Variants in SLC18A2 observed in about 807,000 individuals in gnomAD.
The protein encoded by SLC18A2 is solute carrier family 18 member A2, also known as synaptic vesicular amine transporter.
In SLC18A2, 33 loss-of-function variants were observed where a neutral mutation model predicts 59.2. The observed-to-expected ratio is 0.56, with a 90% CI of 0.42 to 0.75. SLC18A2 has a LOEUF of 0.75. Among genes scored for constraint, SLC18A2 ranks in the 30% least tolerant of loss-of-function variants. The pLI, the probability that SLC18A2 is intolerant of heterozygous loss-of-function variation, is 0.00. For synonymous variants in SLC18A2, 228 were observed against 253.5 expected, an observed-to-expected ratio of 0.90 and a Z score of 0.95; for missense variants, 569 against 668.6, an observed-to-expected ratio of 0.85 and a Z score of 1.64.
At chr10:117,270,264 A>C in intron 14 of SLC18A2, 66 bp from the exon 15 acceptor site, 1 of 1,612,958 alleles carries the variant, frequency 6.2e-7, no homozygotes, top group Non-Finnish European at 8.5e-7. Context: ...AATTGTTTAA[A>C]TCTTTGCATC....
At chr10:117,266,682 A>T in intron 10 of SLC18A2, 51 bp from the exon 11 acceptor site, 6 of 1,377,644 alleles carry the variant, frequency 4.4e-6, no homozygotes, top group Non-Finnish European at 6.2e-6. Context: ...ACTTTTTCTA[A>T]CATATGACTG....
intron 6 of SLC18A2, 98 bp from the exon 7 acceptor site, chr10:117,255,179 C>G (rs564161402): frequency 8.4e-7 from 1 of 1,188,760 alleles, no homozygotes; most frequent in African/African-American, 1.5e-5. Flanking sequence ...CTTATTGGAA[C>G]AAAGTAGAGA....
chr10:117,264,624 C>T (rs563050897), intron 10 of SLC18A2, among the ~76,000 whole-genome samples: 2 of 152,280 alleles, frequency 1.3e-5, no homozygotes, highest in African/African-American at 4.8e-5. Flanking sequence ...TCTCTTTGCT[C>T]CATTTTTCAT....
intron 10 of SLC18A2, among the ~76,000 whole-genome samples, chr10:117,265,692 C>A (rs566804681): frequency 7.9e-5 from 12 of 152,140 alleles, no homozygotes; most frequent in African/African-American, 2.7e-4. Context: ...CTGTTCAATG[C>A]GGAGGACAGG....
chr10:117,258,481 T>C (rs1430695473), intron 10 of SLC18A2, among the ~76,000 whole-genome samples: 1 of 152,250 alleles, frequency 6.6e-6, no homozygotes, highest in East Asian at 1.9e-4. Context: ...TTTACATCAC[T>C]GTGTGACCTC....
Position 117,244,151 on chromosome 10 carries a change from C to T in SLC18A2, c.302C>T (p.Thr101Ile), listed in dbSNP as rs1844084766. ...ACCAGAGACCTGACACTTCATCAGA[C>T]CGCCACACAGCACATGGTGACCAAC... is the stretch of plus-strand genomic sequence containing the variant. ...NATRDLTLHQ[T>I]ATQHMVTNAS... is the part of the protein sequence containing the mutation. The change falls in exon 3 of 16, where the codon ACC (threonine) becomes ATC (isoleucine). Residue 101 changes from threonine to isoleucine, a missense_variant. Physicochemically the swap from Thr to Ile is moderately conservative, Grantham distance 89. Around this residue, in one of 2 missense-constraint regions of SLC18A2, gnomAD observed 377 missense variants for 389.8 expected, o/e 0.97. Transcript: ENST00000644641. 3.1e-6 allele frequency: 5 copies of T among 1,614,204 alleles called. No homozygotes were observed. The South Asian group carries it at 3.3e-5, about 11-fold the overall frequency.
chr10:117,241,941 C>CA, intron 2 of SLC18A2, 127 bp downstream of exon 2: 2 of 955,222 alleles, frequency 2.1e-6, no homozygotes, highest in Non-Finnish European at 3.0e-6. Context: ...ACTCGCTTTG[C>CA]AAAAAAGACA....
In SLC18A2 at chr10:117,269,424, A is replaced by C. The variant is rs553590514; in HGVS notation, c.1187-647A>C. On this transcript the variant is annotated intron_variant, in intron 13 of 15. Coordinates refer to ENST00000644641, the MANE Select transcript of SLC18A2 (RefSeq NM_003054.6). The surrounding 1 kb of genome is among the most constrained non-coding windows in gnomAD (Gnocchi z 5.1). ...CATACTCATAAATACACACATATAC[A>C]TACAGACATACACCCCAGCAACAAC... is the stretch of plus-strand genomic sequence containing the variant. Among the ~76,000 whole-genome samples the C allele has an allele frequency of 2.0e-4, 31 of 152,214 alleles. No individual in the cohort carries two copies. Among genetic ancestry groups the C allele is most frequent in the Non-Finnish European group, 4.3e-4 (29 of 68,034 alleles).
Position 117,270,567 on chromosome 10 carries a change from T to C in SLC18A2, c.1440+104T>C, listed in dbSNP as rs1444198987. 5 of 1,328,876 alleles carry C rather than the reference T, an allele frequency of 3.8e-6. No homozygotes were observed. In the South Asian group the frequency reaches 4.1e-5, roughly 11 times the overall value. The allele number at this position is 1,328,876 out of a possible 1,614,324, so 82.3% of individuals were successfully genotyped here. ...TTCTAAAGCCTTCAAACATAAATGGTGAGAATTCCTTTTTAGTTTGTACCA... is the reference window on the plus strand; with the variant it reads ...TTCTAAAGCCTTCAAACATAAATGGCGAGAATTCCTTTTTAGTTTGTACCA... On this transcript the variant is annotated intron_variant, in intron 15 of 15. Transcript: ENST00000644641.
chr10:117,257,836 A>C lies in SLC18A2; in HGVS notation c.935A>C (p.Glu312Ala). The change falls in exon 10 of 16, where the codon GAG becomes GCG. Residue 312 changes from glutamate (E) to alanine (A), a missense_variant. By Grantham distance (107) the Glu-to-Ala change is moderately radical. Coordinates refer to ENST00000644641, the MANE Select transcript of SLC18A2 (RefSeq NM_003054.6). ...GCAAACATGGGCATCGCCATGCTGG[A>C]GCCAGCCCTGCCCATCTGGATGATG... ...CFANMGIAMLEPALPIWMMET... is the reference protein window; with the variant it reads ...CFANMGIAMLAPALPIWMMET... 6.2e-7 allele frequency: 1 copy of C among 1,612,392 alleles called. No individual in the cohort carries two copies. Among genetic ancestry groups the C allele is most frequent in the Non-Finnish European group, 8.5e-7 (1 of 1,179,066 alleles).
intron 3 of SLC18A2, among the ~76,000 whole-genome samples, chr10:117,250,548 C>G (rs887473019): frequency 5.3e-5 from 8 of 152,156 alleles, no homozygotes; most frequent in Admixed American, 1.3e-4. Context: ...TAAAAAGAAC[C>G]CTCTGTAGGC....
intron 12 of SLC18A2, chr10:117,267,311 A>G: frequency 2.1e-6 from 1 of 481,480 alleles, no homozygotes; most frequent in Non-Finnish European, 3.6e-6. Context: ...TAAACACTTC[A>G]GGACAACCAA....
At chr10:117,272,475 G>A (rs542138387) in intron 15 of SLC18A2, among the ~76,000 whole-genome samples, 31 of 152,280 alleles carry the variant, frequency 2.0e-4, no homozygotes, top group African/African-American at 6.7e-4. Flanking sequence ...TGCTTGCCCA[G>A]CCAACTACCA....
At chr10:117,263,345 G>A (rs375818049) in intron 10 of SLC18A2, among the ~76,000 whole-genome samples, 1 of 152,304 alleles carries the variant, frequency 6.6e-6, no homozygotes, top group Non-Finnish European at 1.5e-5. Context: ...CTCTGAGCTC[G>A]CTCCAGTCCA....
At chr10:117,250,221 T>G (rs1392490326) in intron 3 of SLC18A2, among the ~76,000 whole-genome samples, 1 of 152,150 alleles carries the variant, frequency 6.6e-6, no homozygotes, top group Admixed American at 6.5e-5. Flanking sequence ...GCCCAGCGCT[T>G]ACCACTGAGC....
chr10:117,243,530 T>C (rs1050225806), intron 2 of SLC18A2, among the ~76,000 whole-genome samples: 1 of 152,224 alleles, frequency 6.6e-6, no homozygotes, highest in Non-Finnish European at 1.5e-5. Context: ...GGGGTAGACC[T>C]GTCACCCTCT....
rs771962858 is a variant in SLC18A2 at position 117,277,278 on chromosome 10, C to CA, written c.*17dup. 19 of 1,462,572 alleles carry CA rather than the reference C, an allele frequency of 1.3e-5. No homozygotes were observed. The highest frequency in any genetic ancestry group is 1.7e-5 in the Non-Finnish European group (18 of 1,045,588). 90.6% of individuals were successfully genotyped at this position (1,462,572 alleles called of 1,614,324 possible). A position where few individuals can be genotyped will look rare whatever the true frequency, so the allele number is the denominator to read the frequency against. ...CTGAAAGTGACTGAGATGAGATCCTCAAAAATCATCAAAGTGTTTAATTGT... is the reference window on the plus strand; with the variant it reads ...CTGAAAGTGACTGAGATGAGATCCTCAAAAAATCATCAAAGTGTTTAATTGT... On this transcript the variant is annotated 3_prime_UTR_variant, in exon 16 of 16. Coordinates refer to ENST00000644641, the MANE Select transcript of SLC18A2 (RefSeq NM_003054.6).
rs549663013 is a variant in SLC18A2 at position 117,269,183 on chromosome 10, A to C, written c.1187-888A>C. 1.4e-5 allele frequency among the ~76,000 whole-genome samples: 2 copies of C among 143,578 alleles called. No homozygotes were observed. The highest frequency in any genetic ancestry group is 2.3e-4 in the South Asian group (1 of 4,360). 94.2% of individuals were successfully genotyped at this position (143,578 alleles called of 152,430 possible). A position where few individuals can be genotyped will look rare whatever the true frequency, so the allele number is the denominator to read the frequency against. ...CACATACACACATACATATACACAC[A>C]TACACACACACCTACACACATACAC... On this transcript the variant is annotated intron_variant, in intron 13 of 15. Coordinates refer to ENST00000644641, the MANE Select transcript of SLC18A2 (RefSeq NM_003054.6). The surrounding 1 kb of genome is among the most constrained non-coding windows in gnomAD (Gnocchi z 5.1).
intron 15 of SLC18A2, among the ~76,000 whole-genome samples, chr10:117,276,115 G>A (rs1380195341): frequency 1.5e-5 from 2 of 132,532 alleles, no homozygotes; most frequent in African/African-American, 2.7e-5. Flanking sequence ...GTAGTGAGAT[G>A]TCATCTCTAC....
Sources: gnomAD v4.1 joint callset for allele counts (sites outside exome capture counted in the v4.1 genomes callset) on GRCh38, gnomAD v4.1.1 for gene constraint, gnomAD v4.1.1 regional missense constraint, Gnocchi (gnomAD v3.1) non-coding constraint, MANE v1.5 for transcripts, NCBI Gene and HGNC (gene_info 2026-07-23, HGNC 2026-07-21) for gene names.